Variants in TMEM238L observed in about 807,000 individuals in gnomAD.
TMEM238L encodes transmembrane protein 238-like.
exon 1 of TMEM238L, chr17:10,803,980 G>C: frequency 1.3e-5 from 5 of 399,214 alleles, no homozygotes; most frequent in Non-Finnish European, 2.2e-5. Flanking sequence ...GGAGGAGCGG[G>C]AGGAGCCCAG....
chr17:10,798,082 C>T (rs1171476096), intron 1 of TMEM238L, among the ~76,000 whole-genome samples: 1 of 151,928 alleles, frequency 6.6e-6, no homozygotes, highest in East Asian at 1.9e-4. Flanking sequence ...TTTCTGCAGT[C>T]CTTCCTTTTG....
Position 10,802,035 on chromosome 17 carries a change from G to A in TMEM238L, c.*118+1571C>T, listed in dbSNP as rs557442551. On this transcript the variant is annotated intron_variant, in intron 1 of 1. Coordinates refer to ENST00000581851, the Ensembl canonical transcript of TMEM238L. Reference sequence around the variant, plus strand: ...TGACCTCAAGTGATCTGCCCGCCTCGGCCTCCCAAAGTGCTGGGATTACAG... The same window carrying A: ...TGACCTCAAGTGATCTGCCCGCCTCAGCCTCCCAAAGTGCTGGGATTACAG... Among the ~76,000 whole-genome samples, 121 of 152,140 alleles carry A rather than the reference G, an allele frequency of 8.0e-4. No homozygotes were observed. In the Middle Eastern group the frequency reaches 0.014, roughly 17 times the overall value.
intron 1 of TMEM238L, among the ~76,000 whole-genome samples, chr17:10,799,502 C>T (rs1904666680): frequency 6.6e-6 from 1 of 152,120 alleles, no homozygotes; most frequent in Admixed American, 6.5e-5. Flanking sequence ...CCGGCCTCAA[C>T]CTCATCTTAC....
chr17:10,801,676 A>C (rs1266232049), intron 1 of TMEM238L, among the ~76,000 whole-genome samples: 1 of 152,122 alleles, frequency 6.6e-6, no homozygotes, highest in African/African-American at 2.4e-5. Context: ...TTCCTAGAGC[A>C]GACCTGACTT....
intron 1 of TMEM238L, among the ~76,000 whole-genome samples, chr17:10,797,399 CCCTCCCTT>C (rs1165453013): frequency 0.012 from 911 of 78,810 alleles, 2 homozygotes; most frequent in South Asian, 0.04. Context: ...CTCCCTCCCT[CCCTCCCTT>C]CCTTCCTTCC....
chr17:10,800,202 G>A (rs1904695143), intron 1 of TMEM238L, among the ~76,000 whole-genome samples: 1 of 152,170 alleles, frequency 6.6e-6, no homozygotes, highest in East Asian at 1.9e-4. Context: ...AAAGTGCTGG[G>A]ATTACAGGCG....
chr17:10,798,384 C>G (rs969707040), intron 1 of TMEM238L, among the ~76,000 whole-genome samples: 8 of 152,132 alleles, frequency 5.3e-5, no homozygotes, highest in African/African-American at 1.9e-4. Context: ...TCCACACAGC[C>G]CTGGCACCAT....
At chr17:10,795,295 A>G (rs1312491865) in exon 2 of TMEM238L, 1 of 152,292 alleles carries the variant, frequency 6.6e-6, no homozygotes, top group African/African-American at 2.4e-5. Flanking sequence ...TAAAACCTCA[A>G]TATGAGCCAC....
At chr17:10,803,349 G>C (rs942529672) in intron 1 of TMEM238L, among the ~76,000 whole-genome samples, 10 of 152,150 alleles carry the variant, frequency 6.6e-5, no homozygotes, top group African/African-American at 2.4e-4. Flanking sequence ...AGGATCATTC[G>C]TGGTATATCA....
At chr17:10,798,222 T>C (rs1007736227) in intron 1 of TMEM238L, among the ~76,000 whole-genome samples, 3 of 152,082 alleles carry the variant, frequency 2.0e-5, no homozygotes, top group African/African-American at 4.8e-5. Context: ...CAGGAGGTTC[T>C]GTGCCTCCTC....
exon 2 of TMEM238L, chr17:10,795,121 A>G (rs968339335): frequency 1.3e-5 from 2 of 152,274 alleles, no homozygotes; most frequent in Admixed American, 6.5e-5. Flanking sequence ...CAGTTAGCCT[A>G]TGAGGCTTGA....
At chr17:10,801,073 C>T (rs1050283560) in intron 1 of TMEM238L, among the ~76,000 whole-genome samples, 80 of 148,154 alleles carry the variant, frequency 5.4e-4, no homozygotes, top group African/African-American at 1.8e-3. Flanking sequence ...TTTTTTGAGA[C>T]GGAGTCTCGC....
chr17:10,796,192 A>T (rs937851590), intron 1 of TMEM238L, among the ~76,000 whole-genome samples: 1 of 152,196 alleles, frequency 6.6e-6, no homozygotes, highest in African/African-American at 2.4e-5. Context: ...ACTGAATGAG[A>T]TCATGAAAAT....
intron 1 of TMEM238L, 117 bp downstream of exon 1, chr17:10,803,489 C>T: frequency 2.8e-6 from 1 of 353,204 alleles, no homozygotes. Flanking sequence ...CCACAGGATC[C>T]CCAGTCAGGG....
chr17:10,798,711 TGA>T (rs536560760), intron 1 of TMEM238L, among the ~76,000 whole-genome samples: 172 of 151,758 alleles, frequency 1.1e-3, no homozygotes, highest in African/African-American at 3.9e-3. Flanking sequence ...GTGGTAGGTG[TGA>T]GTGTGTGGGG....
At chr17:10,800,492 C>T (rs997327541) in intron 1 of TMEM238L, among the ~76,000 whole-genome samples, 2 of 152,208 alleles carry the variant, frequency 1.3e-5, no homozygotes, top group East Asian at 1.9e-4. Context: ...CATTCAGTCT[C>T]ATATCTACTG....
chr17:10,804,031 C>A lies in TMEM238L; in HGVS notation c.-68G>T. The A allele has an allele frequency of 2.5e-6, 1 of 402,226 alleles. No individual in the cohort carries two copies. 24.9% of individuals were successfully genotyped at this position (402,226 alleles called of 1,614,324 possible). ...TGATTTGCATGGGAGGGTGGCGGTCCTGCCTGCTGCTGCCTTCTCTGCCTG... is the reference window on the plus strand; with the variant it reads ...TGATTTGCATGGGAGGGTGGCGGTCATGCCTGCTGCTGCCTTCTCTGCCTG... On this transcript the variant is annotated 5_prime_UTR_variant, in exon 1 of 2. In the 5' UTR this introduces an upstream ATG that the reference lacks. Coordinates refer to ENST00000581851, the Ensembl canonical transcript of TMEM238L.
intron 1 of TMEM238L, among the ~76,000 whole-genome samples, chr17:10,797,447 T>A (rs1904598052): frequency 7.2e-6 from 1 of 139,218 alleles, no homozygotes; most frequent in Non-Finnish European, 1.5e-5. Context: ...ATCCCTTTTC[T>A]CTCTACATCC....
Sources: gnomAD v4.1 joint callset for allele counts (sites outside exome capture counted in the v4.1 genomes callset) on GRCh38, gnomAD v4.1.1 for gene constraint, MANE v1.5 for transcripts, NCBI Gene and HGNC (gene_info 2026-07-23, HGNC 2026-07-21) for gene names.